Variants in CRLS1 observed in about 807,000 individuals in gnomAD.
The protein encoded by CRLS1 is cardiolipin synthase 1, also known as cardiolipin synthase (CMP-forming).
CRLS1 carries 24 observed loss-of-function variants against 37.0 expected under a neutral mutation model. The observed-to-expected ratio is 0.65, with a 90% CI of 0.47 to 0.91. CRLS1 has a LOEUF of 0.91. Among genes scored for constraint, CRLS1 ranks in the 40% least tolerant of loss-of-function variants. The probability of loss-of-function intolerance (pLI) is 0.00; values close to 1 mark genes in which losing one functional copy is unlikely to be tolerated. For missense variants in CRLS1, 373 were observed against 395.8 expected, an observed-to-expected ratio of 0.94 and a Z score of 0.49; for synonymous variants, 135 against 159.7, an observed-to-expected ratio of 0.85 and a Z score of 1.17.
intron 6 of CRLS1, among the ~76,000 whole-genome samples, chr20:6,036,034 G>A (rs1980522373): frequency 6.6e-6 from 1 of 152,030 alleles, no homozygotes; most frequent in African/African-American, 2.4e-5. Flanking sequence ...CGAACTCCTG[G>A]CCTCAGTTGA....
At chr20:6,012,233 C>T (rs1159059113) in intron 2 of CRLS1, among the ~76,000 whole-genome samples, 1 of 152,124 alleles carries the variant, frequency 6.6e-6, no homozygotes, top group Non-Finnish European at 1.5e-5. Flanking sequence ...CAGTTTAAGC[C>T]AGGGAACGAC....
chr20:6,017,553 ATTC>A (rs1365414168), intron 3 of CRLS1, among the ~76,000 whole-genome samples: 2 of 152,166 alleles, frequency 1.3e-5, no homozygotes, highest in Admixed American at 6.5e-5. Context: ...CATCAGTGGC[ATTC>A]TTCTTATTGC....
At chr20:6,007,652 G>T (rs1425574183) in intron 1 of CRLS1, among the ~76,000 whole-genome samples, 1 of 152,110 alleles carries the variant, frequency 6.6e-6, no homozygotes, top group Non-Finnish European at 1.5e-5. Context: ...AAGTTAATTT[G>T]GGGACCTTTT....
At chr20:6,013,950 G>A (rs111287004) in intron 2 of CRLS1, among the ~76,000 whole-genome samples, 6 of 152,242 alleles carry the variant, frequency 3.9e-5, no homozygotes, top group African/African-American at 1.4e-4. Flanking sequence ...ATGAGAGGGT[G>A]ATGATGGCGA....
intron 1 of CRLS1, among the ~76,000 whole-genome samples, chr20:6,009,137 A>T (rs562857564): frequency 2.0e-5 from 3 of 152,204 alleles, no homozygotes; most frequent in Non-Finnish European, 4.4e-5. Context: ...AGCCTGGCCA[A>T]CACAGTGAAA....
chr20:6,019,546 A>G (rs1484498359), intron 3 of CRLS1, among the ~76,000 whole-genome samples: 2 of 115,812 alleles, frequency 1.7e-5, no homozygotes, highest in African/African-American at 3.3e-5. Flanking sequence ...TTTTTGCCAG[A>G]GGTTTGTCAG....
Position 6,010,717 on chromosome 20 carries a change from C to G in CRLS1, c.444+805C>G, listed in dbSNP as rs552920262. On this transcript the variant is annotated intron_variant, in intron 2 of 6. Transcript: ENST00000378863. ...ATCATGTATGACATTATTTGTATTA[C>G]CAACTTTATTTCAAAAAAGTTTCGA... Among the ~76,000 whole-genome samples the G allele has an allele frequency of 3.3e-5, 5 of 152,276 alleles. No individual in the cohort carries two copies. In the East Asian group the frequency reaches 9.6e-4, roughly 29 times the overall value.
chr20:6,029,320 T>C (rs914837548), intron 3 of CRLS1, among the ~76,000 whole-genome samples: 3 of 151,840 alleles, frequency 2.0e-5, no homozygotes, highest in Non-Finnish European at 2.9e-5. Context: ...CTTCCATGCA[T>C]ACTATACATA....
At chr20:6,007,342 A>T (rs1293316535) in intron 1 of CRLS1, 1 of 1,610,418 alleles carries the variant, frequency 6.2e-7, no homozygotes, top group South Asian at 1.1e-5. Flanking sequence ...AATGCTGGAT[A>T]CTTTGAAGTT....
At chr20:6,007,355 C>A (rs1409349375) in intron 1 of CRLS1, 5 of 1,612,472 alleles carry the variant, frequency 3.1e-6, no homozygotes, top group Non-Finnish European at 4.2e-6. Flanking sequence ...TTGAAGTTGC[C>A]ATATCCTGAC....
intron 3 of CRLS1, among the ~76,000 whole-genome samples, chr20:6,021,846 A>G (rs1979310590): frequency 6.6e-6 from 1 of 152,154 alleles, no homozygotes; most frequent in Admixed American, 6.5e-5. Context: ...CACGGTTTCC[A>G]TCCAGTTTTC....
At chr20:6,008,364 C>G (rs73896711) in intron 1 of CRLS1, among the ~76,000 whole-genome samples, 2,095 of 152,288 alleles carry the variant, frequency 0.014, 48 homozygotes, top group African/African-American at 0.047. Context: ...TTTCTGTACC[C>G]TGTTGTGCAA....
chr20:6,009,513 C>T (rs537934408), intron 1 of CRLS1, among the ~76,000 whole-genome samples: 22 of 152,150 alleles, frequency 1.4e-4, no homozygotes, highest in African/African-American at 4.8e-4. Flanking sequence ...GGGATCCTCC[C>T]GCCTCAGCCT....
chr20:6,033,364 G>A (rs561440858), intron 5 of CRLS1, among the ~76,000 whole-genome samples: 1 of 152,072 alleles, frequency 6.6e-6, no homozygotes, highest in East Asian at 1.9e-4. Context: ...TCAAACTCCT[G>A]ACCTCAGGTG....
intron 1 of CRLS1, among the ~76,000 whole-genome samples, chr20:6,009,322 CAA>C (rs60724010): frequency 1.4e-5 from 2 of 138,010 alleles, no homozygotes; most frequent in Admixed American, 7.8e-5. Flanking sequence ...GACTCCATCT[CAA>C]AAAAAAAAAA....
At chr20:6,025,461 C>T (rs1330082909) in intron 3 of CRLS1, among the ~76,000 whole-genome samples, 1 of 152,222 alleles carries the variant, frequency 6.6e-6, no homozygotes, top group Non-Finnish European at 1.5e-5. Context: ...TGACAACACA[C>T]CTGGTCACCC....
chr20:6,020,891 C>T (rs532900855), intron 3 of CRLS1, among the ~76,000 whole-genome samples: 22 of 151,858 alleles, frequency 1.4e-4, no homozygotes, highest in African/African-American at 2.4e-4. Context: ...CTCTGCCTCC[C>T]GAAGTGCTGG....
At chr20:6,023,705 G>C (rs1382030251) in intron 3 of CRLS1, among the ~76,000 whole-genome samples, 2 of 144,194 alleles carry the variant, frequency 1.4e-5, no homozygotes, top group African/African-American at 5.2e-5. Flanking sequence ...AATTTTTTTG[G>C]CTCTCATTTT....
intron 6 of CRLS1, among the ~76,000 whole-genome samples, chr20:6,035,133 A>T (rs1395899629): frequency 2.0e-5 from 3 of 152,252 alleles, no homozygotes. Flanking sequence ...ACTAGAATTA[A>T]AATTATCTTG....
Sources: allele counts gnomAD v4.1 joint callset (sites outside exome capture counted in the v4.1 genomes callset), GRCh38; gene constraint gnomAD v4.1.1; transcripts MANE v1.5; gene names NCBI Gene and HGNC (gene_info 2026-07-23, HGNC 2026-07-21).